OR4K1: variants seen among roughly 807,000 people sequenced by gnomAD.
The protein encoded by OR4K1 is olfactory receptor family 4 subfamily K member 1.
Under a neutral mutation model 14.4 loss-of-function variants are expected in OR4K1, and 16 were observed. The ratio of observed to expected loss-of-function variants is 1.11; its 90% CI spans 0.75 to 1.68. The LOEUF is 1.68. OR4K1 is among the 40% of genes most tolerant of loss of function. OR4K1 has a pLI of 0.00. For synonymous variants in OR4K1, 181 were observed against 133.1 expected, an observed-to-expected ratio of 1.36 and a Z score of -2.48; for missense variants, 548 against 376.9, an observed-to-expected ratio of 1.45 and a Z score of -3.76.
At chr14:19,928,212 C>T (rs1282422001), upstream of OR4K1, among the ~76,000 whole-genome samples, 2 of 152,234 alleles carry the variant, frequency 1.3e-5, no homozygotes, top group African/African-American at 4.8e-5. Flanking sequence ...CTGCATCATT[C>T]CCATTGATCC....
In OR4K1 at chr14:19,936,335, C is replaced by T. The variant is rs141997601; in HGVS notation, c.669C>T (p.Ile223=). ...TTATTTCCTACACCATCATTTTGAT[C>T]GGTGTCCGATGCAGGTCCTCCAGTG... The part of the protein sequence containing the change: ...ALIISYTIIL[I]GVRCRSSSGS... Residue 223 remains isoleucine (I), a synonymous_variant, in exon 2 of 2, where the codon ATC becomes ATT. Coordinates refer to ENST00000641172, the MANE Select transcript of OR4K1 (RefSeq NM_001004063.3). 9.8e-5 allele frequency: 159 copies of T among 1,614,216 alleles called. No individual in the cohort carries two copies. The highest frequency in any genetic ancestry group is 2.7e-4 in the East Asian group (12 of 44,890).
chr14:19,921,708 G>GGAA, the OR4K1 span: 2 of 1,018,464 alleles, frequency 2.0e-6, no homozygotes, highest in South Asian at 1.9e-5. Flanking sequence ...ATATTAACAA[G>GGAA]TCTTTTTCTA....
chr14:19,922,825 C>T, the OR4K1 span, among the ~76,000 whole-genome samples: 4 of 152,326 alleles, frequency 2.6e-5, no homozygotes, highest in East Asian at 3.9e-4. Context: ...ATCTGTTCCC[C>T]ATCACTCTAT....
intron 1 of OR4K1, among the ~76,000 whole-genome samples, chr14:19,932,708 T>C (rs1157047584): frequency 1.3e-5 from 2 of 152,210 alleles, no homozygotes; most frequent in African/African-American, 4.8e-5. Context: ...TTGGGCAATT[T>C]ACTTAGCCTA....
the OR4K1 span, chr14:19,921,134 C>T: frequency 3.7e-6 from 6 of 1,614,046 alleles, no homozygotes; most frequent in East Asian, 2.2e-5. Flanking sequence ...TAGTAGACAG[C>T]TTTTTTTGTG....
chr14:19,923,848 A>G, the OR4K1 span, among the ~76,000 whole-genome samples: 2 of 152,256 alleles, frequency 1.3e-5, no homozygotes, highest in South Asian at 4.1e-4. Flanking sequence ...TTCTCCTTGT[A>G]GTAGCTAATT....
At chr14:19,929,903 C>T (rs1416683560), upstream of OR4K1, among the ~76,000 whole-genome samples, 21 of 152,156 alleles carry the variant, frequency 1.4e-4, no homozygotes, top group African/African-American at 5.1e-4. Flanking sequence ...AGGCTTTATG[C>T]TTTTGAATTT....
the OR4K1 span, among the ~76,000 whole-genome samples, chr14:19,922,074 C>G: frequency 7.7e-6 from 1 of 129,176 alleles, no homozygotes; most frequent in Non-Finnish European, 1.8e-5. Context: ...GAGACTCCCC[C>G]CCCCAAAAAT....
the OR4K1 span, among the ~76,000 whole-genome samples, chr14:19,925,369 A>C: frequency 2.6e-5 from 4 of 152,378 alleles, no homozygotes; most frequent in East Asian, 5.8e-4. Flanking sequence ...AAAAGAAAAA[A>C]AAAACTACCT....
chr14:19,922,330 C>A, the OR4K1 span, among the ~76,000 whole-genome samples: 7 of 152,246 alleles, frequency 4.6e-5, no homozygotes, highest in African/African-American at 4.8e-5. Context: ...GTGCAGCTGC[C>A]AGTGGCTTAT....
intron 1 of OR4K1, among the ~76,000 whole-genome samples, chr14:19,932,724 C>T (rs1882212988): frequency 6.6e-6 from 1 of 152,200 alleles, no homozygotes. Context: ...GCCTAAGCTT[C>T]TCTGTGCCTG....
At position 19,936,355 on chromosome 14, in the gene OR4K1, C is replaced by T; in HGVS notation, c.689C>T (p.Ser230Phe). 2.5e-6 allele frequency: 4 copies of T among 1,614,242 alleles called. No individual in the cohort carries two copies. Among genetic ancestry groups the T allele is most frequent in the Non-Finnish European group, 3.4e-6 (4 of 1,180,048 alleles). Residue 230 changes from serine (S) to phenylalanine (F), a missense_variant, in exon 2 of 2, where the codon TCC (serine) becomes TTC (phenylalanine). Transcript: ENST00000641172. ...TTGATCGGTGTCCGATGCAGGTCCT[C>T]CAGTGGGTCATCTAAGGCTCTTTCT... ...IILIGVRCRS[S>F]SGSSKALSTL...
the OR4K1 span, chr14:19,921,160 C>G: frequency 6.2e-7 from 1 of 1,614,154 alleles, no homozygotes; most frequent in South Asian, 1.1e-5. Context: ...CCTCGAGTCA[C>G]CAAACTTGCC....
Position 19,935,912 on chromosome 14 carries a change from T to G in OR4K1, c.246T>G (p.Leu82=), listed in dbSNP as rs1566502975. The change falls in exon 2 of 2, where the codon CTT becomes CTG. Residue 82 remains leucine (L), a synonymous_variant. Transcript: ENST00000641172. ...CTAACTTTGCCACCCCCAAGATGCT[T>G]GTAGACTTTTTTATTGAGCGCAAGA... ...CQSNFATPKM[L]VDFFIERKTI... 1.2e-6 allele frequency: 2 copies of G among 1,614,228 alleles called. No homozygotes were observed. Among genetic ancestry groups the G allele is most frequent in the Admixed American group, 3.3e-5 (2 of 60,018 alleles).
At chr14:19,933,460 T>C (rs1039262247) in intron 1 of OR4K1, among the ~76,000 whole-genome samples, 2 of 152,230 alleles carry the variant, frequency 1.3e-5, no homozygotes, top group African/African-American at 2.4e-5. Flanking sequence ...CCCCTGCTCA[T>C]GTACACACAT....
At chr14:19,921,540 T>G in the OR4K1 span, 35 of 1,613,484 alleles carry the variant, frequency 2.2e-5, no homozygotes, top group Non-Finnish European at 3.0e-5. Flanking sequence ...AAGGAGAATT[T>G]CTGAAATGTC....
At chr14:19,925,624 T>C in the OR4K1 span, among the ~76,000 whole-genome samples, 5 of 152,272 alleles carry the variant, frequency 3.3e-5, no homozygotes, top group Non-Finnish European at 7.3e-5. Context: ...TTAAGCTACT[T>C]CTGCTATGCT....
the OR4K1 span, chr14:19,920,524 A>G: frequency 2.0e-6 from 3 of 1,482,754 alleles, no homozygotes; most frequent in East Asian, 2.3e-5. Flanking sequence ...CCTCACCTTA[A>G]AAGTATTCTT....
At chr14:19,929,304 T>C (rs1469255504), upstream of OR4K1, among the ~76,000 whole-genome samples, 2 of 149,198 alleles carry the variant, frequency 1.3e-5, no homozygotes, top group East Asian at 1.9e-4. Context: ...ATTTTTTATA[T>C]ATAGATATAT....
Sources: gnomAD v4.1 joint callset for allele counts (sites outside exome capture counted in the v4.1 genomes callset) on GRCh38, gnomAD v4.1.1 for gene constraint, MANE v1.5 for transcripts, NCBI Gene and HGNC (gene_info 2026-07-23, HGNC 2026-07-21) for gene names.